FRMPD4: variants seen among roughly 807,000 people sequenced by gnomAD.
FRMPD4 encodes FERM and PDZ domain containing 4.
FRMPD4 carries 22 observed loss-of-function variants against 94.1 expected under a neutral mutation model. The observed-to-expected ratio is 0.23, with a 90% CI of 0.17 to 0.33. The LOEUF (loss-of-function observed/expected upper bound fraction) is 0.33. FRMPD4 is among the 10% of genes least tolerant of loss of function. The pLI is 1.00. For missense variants in FRMPD4, 1,111 were observed against 1,339.9 expected (o/e 0.83, Z 2.67); for synonymous variants, 631 against 548.6 (o/e 1.15, Z -2.10).
intron 1 of FRMPD4, among the ~76,000 whole-genome samples, chrX:12,353,421 G>A (rs902509924): frequency 8.9e-6 from 1 of 111,827 alleles, no homozygotes; most frequent in Non-Finnish European, 1.9e-5. Context: ...TCCCAAAAGC[G>A]TGACTTCTGC....
intron 1 of FRMPD4, among the ~76,000 whole-genome samples, chrX:12,245,328 G>T (rs1486007440): frequency 9.0e-6 from 1 of 111,025 alleles, no homozygotes; most frequent in Non-Finnish European, 1.9e-5. Flanking sequence ...TCTCACAAAG[G>T]AACTATATTT....
intron 1 of FRMPD4, among the ~76,000 whole-genome samples, chrX:12,250,180 T>C (rs964503170): frequency 9.2e-6 from 1 of 109,118 alleles, no homozygotes; most frequent in African/African-American, 3.4e-5. Flanking sequence ...AGGTTCTTTG[T>C]GGTATTAGTC....
chrX:12,134,412 T>C (rs1486225429), upstream of FRMPD4, among the ~76,000 whole-genome samples: 1 of 112,438 alleles, frequency 8.9e-6, no homozygotes, highest in East Asian at 2.8e-4. Context: ...AGACACTCCA[T>C]AAATATTTGC....
At chrX:12,065,950 A>T (rs993188779) in intron 3 of FRMPD4, among the ~76,000 whole-genome samples, 1 of 112,029 alleles carries the variant, frequency 8.9e-6, no homozygotes, top group Non-Finnish European at 1.9e-5. Flanking sequence ...TATTGTTTAA[A>T]CATTTAAATC....
intron 1 of FRMPD4, among the ~76,000 whole-genome samples, chrX:12,180,479 C>T (rs964038630): frequency 2.7e-5 from 3 of 111,781 alleles, no homozygotes; most frequent in Non-Finnish European, 3.8e-5. Flanking sequence ...TCAATTTAAA[C>T]AAATTTTAGT....
intron 1 of FRMPD4, chrX:12,149,245 A>C (rs1395136766): frequency 1.8e-5 from 2 of 112,202 alleles, no homozygotes; most frequent in Admixed American, 1.9e-4. Context: ...TTAAAAAAAG[A>C]GATATATTTT....
chrX:12,584,528 C>G (rs2058903343), intron 2 of FRMPD4, among the ~76,000 whole-genome samples: 1 of 111,482 alleles, frequency 9.0e-6, no homozygotes, highest in African/African-American at 3.3e-5. Flanking sequence ...TTTGGAAGCC[C>G]TAGCCCACAT....
At chrX:12,230,388 T>C (rs1410056660) in intron 1 of FRMPD4, among the ~76,000 whole-genome samples, 2 of 111,488 alleles carry the variant, frequency 1.8e-5, no homozygotes, top group South Asian at 3.7e-4. Context: ...TGAGACCAAA[T>C]TGATAGAGAC....
intron 2 of FRMPD4, among the ~76,000 whole-genome samples, chrX:12,578,497 A>G (rs759362659): frequency 1.8e-5 from 2 of 111,815 alleles, no homozygotes; most frequent in Admixed American, 9.4e-5. Context: ...GTAGATATAG[A>G]TAGAAAATCC....
intron 1 of FRMPD4, among the ~76,000 whole-genome samples, chrX:12,462,854 A>G (rs2057404536): frequency 9.0e-6 from 1 of 111,180 alleles, no homozygotes; most frequent in South Asian, 3.8e-4. Context: ...GCCATGCATG[A>G]TGGTGTGCAC....
chrX:12,539,791 G>A (rs1329004244), intron 2 of FRMPD4, among the ~76,000 whole-genome samples: 7 of 110,977 alleles, frequency 6.3e-5, no homozygotes, highest in African/African-American at 2.0e-4. Flanking sequence ...GTGCTACTAC[G>A]CCAGGCTAAT....
At chrX:12,682,515 A>G (rs1251703960) in intron 5 of FRMPD4, among the ~76,000 whole-genome samples, 1 of 112,784 alleles carries the variant, frequency 8.9e-6, no homozygotes, top group Non-Finnish European at 1.9e-5. Context: ...GATTCAAACT[A>G]TTTACCTCTG....
At chrX:12,231,048 A>AC (rs1387528584) in intron 1 of FRMPD4, among the ~76,000 whole-genome samples, 2 of 31,846 alleles carry the variant, frequency 6.3e-5, no homozygotes, top group African/African-American at 2.1e-4. Flanking sequence ...ATATATATAT[A>AC]AAATATATAT....
At chrX:12,560,221 T>C (rs2058638491) in intron 2 of FRMPD4, among the ~76,000 whole-genome samples, 1 of 111,251 alleles carries the variant, frequency 9.0e-6, no homozygotes, top group Non-Finnish European at 1.9e-5. Flanking sequence ...TGCTTTCTCA[T>C]CTGAAGCTTT....
intron 1 of FRMPD4, among the ~76,000 whole-genome samples, chrX:12,463,250 C>A (rs1385087625): frequency 9.0e-6 from 1 of 111,260 alleles, no homozygotes; most frequent in African/African-American, 3.3e-5. Context: ...GGGCGCCCCC[C>A]ACTGTCACTG....
At chrX:12,521,462 C>T (rs1379271060) in intron 2 of FRMPD4, among the ~76,000 whole-genome samples, 1 of 111,868 alleles carries the variant, frequency 8.9e-6, no homozygotes, top group East Asian at 2.8e-4. Flanking sequence ...TTGGGATATA[C>T]AAGATAATAC....
At chrX:12,514,755 T>C (rs2058078709) in intron 2 of FRMPD4, among the ~76,000 whole-genome samples, 1 of 112,169 alleles carries the variant, frequency 8.9e-6, no homozygotes, top group Non-Finnish European at 1.9e-5. Context: ...GTCTCTCCTT[T>C]TCAATTGTTT....
intron 3 of FRMPD4, among the ~76,000 whole-genome samples, chrX:12,021,455 G>C (rs1215642076): frequency 1.8e-5 from 2 of 111,525 alleles, no homozygotes; most frequent in Non-Finnish European, 3.8e-5. Context: ...TTCATTTGGG[G>C]CTTAAATAAC....
intron 2 of FRMPD4, among the ~76,000 whole-genome samples, chrX:12,537,244 G>A (rs2148299614): frequency 9.0e-6 from 1 of 110,781 alleles, no homozygotes; most frequent in South Asian, 3.8e-4. Context: ...TTTATCATTT[G>A]ATACATTAAA....
Sources: gnomAD v4.1 joint callset for allele counts (sites outside exome capture counted in the v4.1 genomes callset) on GRCh38, gnomAD v4.1.1 for gene constraint, MANE v1.5 for transcripts, NCBI Gene and HGNC (gene_info 2026-07-23, HGNC 2026-07-21) for gene names.